Variants in C1QTNF9 observed in about 807,000 individuals in gnomAD.
The protein encoded by C1QTNF9 is C1q and TNF related 9.
C1QTNF9 carries 6 observed loss-of-function variants against 10.1 expected under a neutral mutation model. That is an observed-to-expected ratio of 0.59 (90% CI 0.32 to 1.17). The LOEUF (loss-of-function observed/expected upper bound fraction) is 1.17, where lower values mean the gene tolerates loss of function less well. C1QTNF9 is among the 50% of genes most tolerant of loss of function. The pLI is 0.04. For synonymous variants in C1QTNF9, 98 were observed against 163.5 expected, an observed-to-expected ratio of 0.60 and a Z score of 3.06; for missense variants, 201 against 418.8, an observed-to-expected ratio of 0.48 and a Z score of 4.54.
chr13:24,314,376 A>G (rs1877948851), intron 1 of C1QTNF9, among the ~76,000 whole-genome samples: 1 of 148,894 alleles, frequency 6.7e-6, no homozygotes, highest in African/African-American at 2.5e-5. Flanking sequence ...AGTCTCTCCA[A>G]AGAAAAAAAA....
chr13:24,310,398 G>C (rs1254617736), intron 1 of C1QTNF9, among the ~76,000 whole-genome samples: 1 of 150,204 alleles, frequency 6.7e-6, no homozygotes, highest in Non-Finnish European at 1.5e-5. Flanking sequence ...TGATCCGCCT[G>C]CCTCGGCCTC....
chr13:24,316,026 T>G (rs779955365), exon 2 of C1QTNF9: 12 of 1,613,590 alleles, frequency 7.4e-6, no homozygotes, highest in Non-Finnish European at 8.5e-6. Flanking sequence ...TGGCTTCTGC[T>G]TGCCATTGAA....
chr13:24,319,734 T>C (rs1172357401), intron 3 of C1QTNF9, among the ~76,000 whole-genome samples: 1 of 152,144 alleles, frequency 6.6e-6, no homozygotes, highest in Non-Finnish European at 1.5e-5. Context: ...CAGCACTGCA[T>C]GGAGGAGGTG....
upstream of C1QTNF9, among the ~76,000 whole-genome samples, chr13:24,308,369 C>T (rs78843503): frequency 2.0e-3 from 308 of 152,368 alleles, 2 homozygotes; most frequent in Non-Finnish European, 3.5e-3. Context: ...GGGAGCCCGG[C>T]CAGAACTGCT....
Sources: gnomAD v4.1 joint callset for allele counts (sites outside exome capture counted in the v4.1 genomes callset) on GRCh38, gnomAD v4.1.1 for gene constraint, MANE v1.5 for transcripts, NCBI Gene and HGNC (gene_info 2026-07-23, HGNC 2026-07-21) for gene names.